The following CCT2 variants were observed in gnomAD, a reference collection of about 807,000 sequenced individuals.
CCT2 encodes T-complex protein 1 subunit beta.
Under a neutral mutation model 61.8 loss-of-function variants are expected in CCT2, and 18 were observed. The observed-to-expected ratio is 0.29, with a 90% CI of 0.20 to 0.43. The LOEUF (loss-of-function observed/expected upper bound fraction) is 0.43. CCT2 is among the 20% of genes least tolerant of loss of function. The pLI is 1.00. For missense variants in CCT2, 556 were observed against 656.9 expected (o/e 0.85, Z 1.68); for synonymous variants, 248 against 215.9 (o/e 1.15, Z -1.30).
intron 11 of CCT2, among the ~76,000 whole-genome samples, 164 bp downstream of exon 11, chr12:69,597,439 C>T (rs149777964): frequency 6.6e-6 from 1 of 152,138 alleles, no homozygotes; most frequent in African/African-American, 2.4e-5. Context: ...TCATATTTAC[C>T]GTGTCTTTGT....
rs1881879960 is a variant in CCT2, at chr12:69,592,961, C to G, written c.751-15C>G. On this transcript the variant is annotated splice_polypyrimidine_tract_variant and intron_variant, in intron 8 of 15. Transcript: ENST00000299300. The stretch of plus-strand genomic sequence containing the variant: ...TAATGAAACTGATGCTCTCTTTATG[C>G]TTCGTTTGTCTTAGATATTTGGTTC... 1.9e-6 allele frequency: 3 copies of G among 1,609,368 alleles called. No homozygotes were observed. Among genetic ancestry groups the G allele is most frequent in the Non-Finnish European group, 2.5e-6 (3 of 1,178,348 alleles).
intron 10 of CCT2, 34 bp downstream of exon 10, chr12:69,593,647 C>T (rs1047695885): frequency 8.0e-7 from 1 of 1,248,226 alleles, no homozygotes; most frequent in Non-Finnish European, 1.2e-6. Context: ...CTAACAAACA[C>T]AATAGTCACT....
At position 69,589,506 on chromosome 12, in the gene CCT2, T is replaced by C. The variant is rs781739429; in HGVS notation, c.468T>C (p.Arg156=). The change falls in exon 7 of 16, where the codon CGT becomes CGC. Residue 156 remains arginine, a synonymous_variant. Coordinates refer to ENST00000299300, the MANE Select transcript of CCT2 (RefSeq NM_006431.3). The part of the protein sequence containing the change: ...VDHGSDEVKF[R]QDLMNIAGTT... ...TTAGTTCCGATGAAGTTAAATTCCG[T>C]CAAGATTTAATGAATATTGCGGGCA... The C allele has an allele frequency of 6.2e-7, 1 of 1,614,048 alleles. No individual in the cohort carries two copies. The highest frequency in any genetic ancestry group is 2.2e-5 in the East Asian group (1 of 44,876).
intron 10 of CCT2, among the ~76,000 whole-genome samples, chr12:69,595,426 C>T (rs192389231): frequency 2.2e-3 from 342 of 152,222 alleles, no homozygotes; most frequent in Non-Finnish European, 3.8e-3. Flanking sequence ...TGGTGGCTCA[C>T]GCCTTTAATC....
Position 69,586,807 on chromosome 12 carries a change from C to T in CCT2, c.133C>T (p.Pro45Ser). The T allele has an allele frequency of 6.3e-7, 1 of 1,586,832 alleles. No homozygotes were observed. Among genetic ancestry groups the T allele is most frequent in the African/African-American group, 1.4e-5 (1 of 73,346 alleles). ...AGACTTGGTAAAGAGCACCTTGGGA[C>T]CCAAAGGCATGGTAAGAAAAATAGA... is the stretch of plus-strand genomic sequence containing the variant. ...IGDLVKSTLG[P>S]KGMDKILLSS... The change falls in exon 3 of 16, where the codon CCC (proline) becomes TCC (serine). Residue 45 changes from proline to serine, a missense_variant. Transcript: ENST00000299300.
At chr12:69,589,994 A>T (rs752988078) in intron 7 of CCT2, among the ~76,000 whole-genome samples, 14 of 152,204 alleles carry the variant, frequency 9.2e-5, no homozygotes, top group Non-Finnish European at 1.6e-4. Context: ...TACCAGGATT[A>T]TATGTATTCT....
chr12:69,600,380 T>C (rs904788069), intron 15 of CCT2, among the ~76,000 whole-genome samples: 2 of 152,220 alleles, frequency 1.3e-5, no homozygotes, highest in African/African-American at 4.8e-5. Flanking sequence ...CCCAGAAATC[T>C]TCACAAGAAG....
chr12:69,586,651 G>C, intron 2 of CCT2, 102 bp from the exon 3 acceptor site: 1 of 849,720 alleles, frequency 1.2e-6, no homozygotes, highest in East Asian at 2.5e-5. Context: ...CTGGGCGACA[G>C]AGCGACACTC....
chr12:69,585,556 C>G, intron 1 of CCT2, 32 bp downstream of exon 1: 1 of 1,566,546 alleles, frequency 6.4e-7, no homozygotes. Context: ...CTTGCCCTAC[C>G]CCTGCTCCGC....
At chr12:69,586,532 G>A (rs1281785418) in intron 2 of CCT2, among the ~76,000 whole-genome samples, 188 bp downstream of exon 2, 4 of 152,108 alleles carry the variant, frequency 2.6e-5, no homozygotes, top group African/African-American at 7.2e-5. Flanking sequence ...GCCGGGCGTG[G>A]TGATGGGCAC....
At chr12:69,592,934 A>G in intron 8 of CCT2, 42 bp from the exon 9 acceptor site, 1 of 1,594,218 alleles carries the variant, frequency 6.3e-7, no homozygotes, top group Non-Finnish European at 8.5e-7. Flanking sequence ...TCTCAAAAAA[A>G]ATAATGAAAC....
Position 69,601,422 on chromosome 12 carries a change from G to GC in CCT2, c.*100dup. ...AAGACTGTGGAATCTGTTTATCGGT[G>GC]CCCATTATATCCTTAAGTTTGGATA... On this transcript the variant is annotated 3_prime_UTR_variant, in exon 16 of 16. Transcript: ENST00000299300. 1 of 1,608,566 alleles carries GC rather than the reference G, an allele frequency of 6.2e-7. No homozygotes were observed. Among genetic ancestry groups the GC allele is most frequent in the South Asian group, 1.1e-5 (1 of 89,930 alleles).
rs570339380 is a variant in CCT2, at chr12:69,594,124, G to GT, written c.982+512dup. ...ACTGCGCTCCAGCCTTGGCGACACAGTGAGACCCTGTCTCAAAAAAAAAAA... is the reference window on the plus strand; with the variant it reads ...ACTGCGCTCCAGCCTTGGCGACACAGTTGAGACCCTGTCTCAAAAAAAAAAA... On this transcript the variant is annotated intron_variant, in intron 10 of 15. Coordinates refer to ENST00000299300, the MANE Select transcript of CCT2 (RefSeq NM_006431.3). Among the ~76,000 whole-genome samples the GT allele has an allele frequency of 3.3e-5, 5 of 150,928 alleles. No individual in the cohort carries two copies. The East Asian group carries it at 9.7e-4, about 29-fold the overall frequency.
rs370790254 is a variant in CCT2, at chr12:69,586,881, TAAC to T, written c.144+66_144+68del. 1.0e-4 allele frequency: 98 copies of T among 947,838 alleles called. 1 individual carries two copies. In the African/African-American group the frequency reaches 1.2e-3, roughly 11 times the overall value. The allele number at this position is 947,838 out of a possible 1,614,324, so 58.7% of individuals were successfully genotyped here. On this transcript the variant is annotated intron_variant, in intron 3 of 15. Coordinates refer to ENST00000299300, the MANE Select transcript of CCT2 (RefSeq NM_006431.3). ...TTTAGAGCGCTTGGTGGAAATATAA[TAAC>T]AAGCGTATTAAAATGCTTTTTAATC...
intron 14 of CCT2, 57 bp downstream of exon 14, chr12:69,598,478 C>CT (rs1445967921): frequency 1.7e-3 from 1,713 of 1,018,178 alleles, no homozygotes; most frequent in South Asian, 3.1e-3. Context: ...TTTCACTAAG[C>CT]TTTTTTTTTC....
chr12:69,596,941 A>G (rs1882007768), intron 10 of CCT2, among the ~76,000 whole-genome samples: 2 of 152,202 alleles, frequency 1.3e-5, no homozygotes, highest in Admixed American at 1.3e-4. Flanking sequence ...CATGTGTAAA[A>G]TGGGATAATA....
intron 7 of CCT2, among the ~76,000 whole-genome samples, chr12:69,591,126 T>C (rs138912447): frequency 1.1e-3 from 171 of 152,290 alleles, no homozygotes; most frequent in Middle Eastern, 0.01. Flanking sequence ...GTACTAGGAA[T>C]TGTAATAGGA....
chr12:69,597,601 T>C, intron 11 of CCT2, 37 bp from the exon 12 acceptor site: 1 of 1,601,474 alleles, frequency 6.2e-7, no homozygotes, highest in Non-Finnish European at 8.5e-7. Context: ...AGGCAAACTT[T>C]TTATCCCTAA....
chr12:69,600,117 A>G (rs1882108575), intron 15 of CCT2, 113 bp downstream of exon 15: 1 of 993,400 alleles, frequency 1.0e-6, no homozygotes, highest in East Asian at 2.7e-5. Flanking sequence ...CCTGGATAAA[A>G]GTATGTAAGT....
Sources: allele counts gnomAD v4.1 joint callset (sites outside exome capture counted in the v4.1 genomes callset), GRCh38; gene constraint gnomAD v4.1.1; transcripts MANE v1.5; gene names NCBI Gene and HGNC (gene_info 2026-07-23, HGNC 2026-07-21).